Variants in GSG1L observed in about 807,000 individuals in gnomAD.
The protein encoded by GSG1L is germ cell-specific gene 1-like protein.
Under a neutral mutation model 42.1 loss-of-function variants are expected in GSG1L, and 24 were observed. The observed-to-expected ratio is 0.57, with a 90% confidence interval of 0.41 to 0.80. The LOEUF (loss-of-function observed/expected upper bound fraction) is 0.80. GSG1L is among the 30% of genes least tolerant of loss of function. The pLI, the probability that GSG1L is intolerant of heterozygous loss-of-function variation, is 0.00. For missense variants in GSG1L, 445 were observed against 472.2 expected, an observed-to-expected ratio of 0.94 and a Z score of 0.53; for synonymous variants, 215 against 203.5, an observed-to-expected ratio of 1.06 and a Z score of -0.48.
chr16:27,932,561 A>G (rs889196146), intron 2 of GSG1L, among the ~76,000 whole-genome samples: 2 of 152,216 alleles, frequency 1.3e-5, no homozygotes, highest in African/African-American at 2.4e-5. Flanking sequence ...CACTATCGCC[A>G]TGACAGCACC....
intron 2 of GSG1L, among the ~76,000 whole-genome samples, chr16:27,896,965 G>A (rs879382543): frequency 6.6e-6 from 1 of 152,212 alleles, no homozygotes; most frequent in Non-Finnish European, 1.5e-5. Flanking sequence ...CTAGGCTGAA[G>A]CGATTCTCCT....
intron 5 of GSG1L, among the ~76,000 whole-genome samples, chr16:27,819,840 T>C (rs1050949951): frequency 1.1e-4 from 16 of 152,106 alleles, no homozygotes; most frequent in Admixed American, 1.3e-4. Flanking sequence ...TTGCAGCTTC[T>C]GGGGTGAGAG....
intron 2 of GSG1L, among the ~76,000 whole-genome samples, chr16:27,908,760 G>A (rs1029908211): frequency 2.6e-5 from 4 of 152,288 alleles, no homozygotes; most frequent in South Asian, 2.1e-4. Context: ...CTCTAACACC[G>A]TTGCATTGGG....
At chr16:27,903,103 G>A (rs1315857613) in intron 2 of GSG1L, among the ~76,000 whole-genome samples, 2 of 152,096 alleles carry the variant, frequency 1.3e-5, no homozygotes, top group Non-Finnish European at 2.9e-5. Flanking sequence ...GGAGCTGGAG[G>A]AGGTCTTGAA....
intron 5 of GSG1L, among the ~76,000 whole-genome samples, chr16:27,826,766 G>T (rs1001929521): frequency 3.3e-5 from 5 of 152,180 alleles, no homozygotes; most frequent in African/African-American, 1.2e-4. Context: ...AGCCCCACGT[G>T]TTGGGCAAAG....
intron 3 of GSG1L, among the ~76,000 whole-genome samples, chr16:27,876,056 C>A (rs1165684496): frequency 6.6e-6 from 1 of 152,146 alleles, no homozygotes; most frequent in Non-Finnish European, 1.5e-5. Flanking sequence ...TGATCAGGTT[C>A]TTGTCACTTA....
chr16:27,859,839 C>CTTTTT (rs1294935140), intron 3 of GSG1L, among the ~76,000 whole-genome samples: 3 of 150,150 alleles, frequency 2.0e-5, no homozygotes, highest in African/African-American at 7.6e-5. Context: ...CCATGCCCAG[C>CTTTTT]TATTTTTTTT....
At chr16:27,924,228 GAT>G (rs2084565317) in intron 2 of GSG1L, among the ~76,000 whole-genome samples, 1 of 151,182 alleles carries the variant, frequency 6.6e-6, no homozygotes, top group Non-Finnish European at 1.5e-5. Flanking sequence ...TATATATTTA[GAT>G]ATACTGTAAT....
intron 2 of GSG1L, among the ~76,000 whole-genome samples, chr16:27,960,170 C>G (rs2085052610): frequency 6.6e-6 from 1 of 152,064 alleles, no homozygotes; most frequent in Non-Finnish European, 1.5e-5. Context: ...CTCACCGGAC[C>G]TCAGCTGATA....
At chr16:27,822,892 AC>A (rs1174199418) in intron 5 of GSG1L, among the ~76,000 whole-genome samples, 1 of 152,154 alleles carries the variant, frequency 6.6e-6, no homozygotes, top group Non-Finnish European at 1.5e-5. Context: ...CCTAAGTGGT[AC>A]AGAGAGAGGT....
intron 1 of GSG1L, among the ~76,000 whole-genome samples, chr16:27,973,281 C>G (rs919257475): frequency 1.3e-5 from 2 of 151,794 alleles, no homozygotes; most frequent in African/African-American, 4.8e-5. Context: ...GAAACCCCGT[C>G]TCTACTGAAA....
rs924644393 is a variant in GSG1L, at chr16:27,791,339, C to T, written c.*31G>A. ...AGCAGGGGCTGGTGCCAGCGATGGC[C>T]TGAGGTCCGCGGGCCAGGTTGAGGT... On this transcript the variant is annotated 3_prime_UTR_variant, in exon 7 of 7. Transcript: ENST00000447459. The T allele has an allele frequency of 7.5e-7, 1 of 1,328,798 alleles. No individual in the cohort carries two copies. 82.3% of individuals were successfully genotyped at this position (1,328,798 alleles called of 1,614,324 possible). A position where few individuals can be genotyped will look rare whatever the true frequency, so the allele number is the denominator to read the frequency against.
chr16:28,057,108 G>A (rs538539662), intron 1 of GSG1L, among the ~76,000 whole-genome samples: 57 of 152,260 alleles, frequency 3.7e-4, no homozygotes, highest in Middle Eastern at 3.4e-3. Context: ...GGAAGGGCAG[G>A]AGGCAGCAGA....
At chr16:27,930,040 T>A (rs2084638210) in intron 2 of GSG1L, among the ~76,000 whole-genome samples, 1 of 152,084 alleles carries the variant, frequency 6.6e-6, no homozygotes, top group Non-Finnish European at 1.5e-5. Context: ...GAGGCTTGGA[T>A]TGCAGCCCCA....
At chr16:27,895,751 G>A (rs920162411) in intron 2 of GSG1L, among the ~76,000 whole-genome samples, 2 of 152,140 alleles carry the variant, frequency 1.3e-5, no homozygotes, top group East Asian at 3.8e-4. Flanking sequence ...ACGCTCACTC[G>A]GAATCTTCCT....
At chr16:27,930,793 T>G (rs900926167) in intron 2 of GSG1L, among the ~76,000 whole-genome samples, 8 of 152,158 alleles carry the variant, frequency 5.3e-5, no homozygotes, top group African/African-American at 1.9e-4. Context: ...GGCACAATCA[T>G]AGCTCACTGC....
At chr16:28,048,876 TA>T (rs912221057) in intron 1 of GSG1L, among the ~76,000 whole-genome samples, 15 of 152,112 alleles carry the variant, frequency 9.9e-5, no homozygotes, top group African/African-American at 3.4e-4. Flanking sequence ...ATCAGAAAAT[TA>T]AAAAAACAGA....
At chr16:27,963,016 C>T in intron 2 of GSG1L, 140 bp downstream of exon 2, 1 of 694,886 alleles carries the variant, frequency 1.4e-6, no homozygotes. Context: ...GGCTTTGCAA[C>T]AGGGTGTCTG....
At chr16:27,895,393 G>A (rs1170148350) in intron 2 of GSG1L, among the ~76,000 whole-genome samples, 2 of 152,032 alleles carry the variant, frequency 1.3e-5, no homozygotes, top group African/African-American at 4.8e-5. Context: ...GAGCATTCGA[G>A]TTTCCAGCCT....
Sources: allele counts gnomAD v4.1 joint callset (sites outside exome capture counted in the v4.1 genomes callset), GRCh38; gene constraint gnomAD v4.1.1; transcripts MANE v1.5; gene names NCBI Gene and HGNC (gene_info 2026-07-23, HGNC 2026-07-21).